BYSL: variants seen among roughly 807,000 people sequenced by gnomAD.
BYSL encodes the protein bystin like.
In BYSL, 21 loss-of-function variants were observed where a neutral mutation model predicts 45.4. That is an observed-to-expected ratio of 0.46 (90% confidence interval 0.33 to 0.67). BYSL has a LOEUF of 0.67. Among genes scored for constraint, BYSL ranks in the 30% least tolerant of loss-of-function variants. The pLI, the probability that BYSL is intolerant of heterozygous loss-of-function variation, is 0.02. For missense variants in BYSL, 522 were observed against 578.5 expected, an observed-to-expected ratio of 0.90 and a Z score of 1.00; for synonymous variants, 215 against 231.3, an observed-to-expected ratio of 0.93 and a Z score of 0.64.
upstream of BYSL, chr6:41,920,834 ATC>A: frequency 1.5e-6 from 1 of 685,374 alleles, no homozygotes. Flanking sequence ...GAAGGGGCGC[ATC>A]TCTGAGGAAA....
At position 41,921,769 on chromosome 6, in the gene BYSL, C is replaced by G. The variant is rs772391901; in HGVS notation, c.207C>G (p.Leu69=). The change falls in exon 1 of 7, where the codon CTC becomes CTG. Residue 69 remains leucine (L), a synonymous_variant. Coordinates refer to ENST00000230340, the MANE Select transcript of BYSL (RefSeq NM_004053.4). The part of the protein sequence containing the change: ...LQQARQQQEE[L]EAEHGTGDKP... The stretch of plus-strand genomic sequence containing the variant: ...AAGCACGGCAGCAACAGGAGGAACT[C>G]GAGGCCGAGCATGGGACTGGGGACA... 23 of 1,613,232 alleles carry G rather than the reference C, an allele frequency of 1.4e-5. No homozygotes were observed. Among genetic ancestry groups the G allele is most frequent in the Non-Finnish European group, 1.9e-5 (23 of 1,179,856 alleles).
At chr6:41,920,788 C>CAAAAA, upstream of BYSL, 1 of 454,858 alleles carries the variant, frequency 2.2e-6, no homozygotes, top group Non-Finnish European at 3.8e-6. Flanking sequence ...CAAAACAAAA[C>CAAAAA]AAAAAAAAAA....
the BYSL span, among the ~76,000 whole-genome samples, chr6:41,911,101 C>T: frequency 2.0e-4 from 28 of 136,736 alleles, no homozygotes; most frequent in Non-Finnish European, 2.4e-4. Context: ...AGCGAGACTC[C>T]ATCTCAAAAA....
At chr6:41,915,956 T>C in the BYSL span, among the ~76,000 whole-genome samples, 2 of 152,122 alleles carry the variant, frequency 1.3e-5, no homozygotes, top group South Asian at 4.1e-4. Flanking sequence ...TATACCTCAA[T>C]AAAGCTTTAG....
chr6:41,923,565 G>C (rs1775521480), intron 1 of BYSL, among the ~76,000 whole-genome samples: 2 of 152,050 alleles, frequency 1.3e-5, no homozygotes, highest in Non-Finnish European at 2.9e-5. Context: ...CAAAATGCTG[G>C]GATTACAGGC....
upstream of BYSL, chr6:41,916,978 C>T (rs771975922): frequency 1.2e-5 from 20 of 1,610,442 alleles, no homozygotes; most frequent in Non-Finnish European, 1.7e-5. Flanking sequence ...TATCCAGAGA[C>T]ACACGTGTGC....
chr6:41,923,517 G>A (rs1196733967), intron 1 of BYSL, among the ~76,000 whole-genome samples: 3 of 152,112 alleles, frequency 2.0e-5, no homozygotes, highest in African/African-American at 7.2e-5. Context: ...GACTGGTCTT[G>A]AACTCCTGAC....
intron 1 of BYSL, 124 bp downstream of exon 1, chr6:41,921,954 A>G (rs1775488142): frequency 1.5e-6 from 2 of 1,360,716 alleles, no homozygotes; most frequent in Admixed American, 2.7e-5. Context: ...ACACTTGCAA[A>G]GGAGACTGAA....
chr6:41,918,596 G>A (rs1187894631), upstream of BYSL, among the ~76,000 whole-genome samples: 1 of 151,808 alleles, frequency 6.6e-6, no homozygotes, highest in African/African-American at 2.4e-5. Flanking sequence ...GGCAGATCAC[G>A]AGGTCAGGAG....
At chr6:41,912,047 TTTC>T in the BYSL span, among the ~76,000 whole-genome samples, 10 of 150,498 alleles carry the variant, frequency 6.6e-5, no homozygotes, top group African/African-American at 2.5e-4. Flanking sequence ...ACATTTTCCT[TTTC>T]TTCTTTTTTT....
chr6:41,917,837 C>T, upstream of BYSL: 1 of 467,564 alleles, frequency 2.1e-6, no homozygotes, highest in Non-Finnish European at 4.5e-6. Flanking sequence ...AGCCCAGAGC[C>T]ACAGGTGGCT....
In BYSL at chr6:41,931,764, C is replaced by T. The variant is rs769444505; in HGVS notation, c.902C>T (p.Thr301Ile). 6.2e-7 allele frequency: 1 copy of T among 1,614,112 alleles called. No individual in the cohort carries two copies. The highest frequency in any genetic ancestry group is 1.1e-5 in the South Asian group (1 of 91,084). Residue 301 changes from threonine (T) to isoleucine (I), a missense_variant, in exon 6 of 7, where the codon ACC (threonine) becomes ATC (isoleucine). Coordinates refer to ENST00000230340, the MANE Select transcript of BYSL (RefSeq NM_004053.4). ...LIPLCESGTC[T>I]LREAIIVGSI... Reference sequence around the variant, plus strand: ...CCACTGTGCGAGTCTGGCACTTGTACCCTCCGGGAAGCCATCATTGTGGGT... The same window carrying T: ...CCACTGTGCGAGTCTGGCACTTGTATCCTCCGGGAAGCCATCATTGTGGGT...
upstream of BYSL, chr6:41,917,006 C>T (rs1053059974): frequency 1.9e-4 from 297 of 1,570,518 alleles, no homozygotes; most frequent in Non-Finnish European, 2.7e-5. Context: ...GCCATTCACT[C>T]GCCCACAGCA....
the BYSL span, among the ~76,000 whole-genome samples, chr6:41,909,930 A>C: frequency 1.3e-5 from 2 of 152,180 alleles, no homozygotes; most frequent in Admixed American, 6.5e-5. Flanking sequence ...GGGCATGCCA[A>C]AGGAAGTAGC....
At position 41,932,579 on chromosome 6, in the gene BYSL, A is replaced by T; in HGVS notation, c.1187A>T (p.Asp396Val). The change falls in exon 7 of 7, where the codon GAC becomes GTC. Residue 396 changes from aspartate to valine, a missense_variant. By Grantham distance (152) the Asp-to-Val change is radical. Transcript: ENST00000230340. The surrounding 1 kb of genome is among the most constrained non-coding windows in gnomAD (Gnocchi z 4.7). The stretch of plus-strand genomic sequence containing the variant: ...CGCTACAAGGCCGACTTGGCCACAG[A>T]CCAGAAAGAGGCCCTCTTAGAACTG... ...VQRYKADLAT[D>V]QKEALLELLR... The T allele has an allele frequency of 6.2e-7, 1 of 1,614,212 alleles. No homozygotes were observed. Among genetic ancestry groups the T allele is most frequent in the Non-Finnish European group, 8.5e-7 (1 of 1,180,038 alleles).
the BYSL span, among the ~76,000 whole-genome samples, chr6:41,915,148 C>G: frequency 2.6e-4 from 39 of 152,266 alleles, no homozygotes; most frequent in East Asian, 7.3e-3. Context: ...TCAAAGAACA[C>G]AAGGGCCAGG....
chr6:41,909,472 T>C, the BYSL span: 7 of 1,614,108 alleles, frequency 4.3e-6, 1 homozygote, highest in Admixed American at 6.7e-5. Context: ...GCGAAACAGC[T>C]CAATGGGTAC....
intron 4 of BYSL, 91 bp from the exon 5 acceptor site, chr6:41,931,305 C>T: frequency 6.9e-7 from 1 of 1,454,204 alleles, no homozygotes; most frequent in Non-Finnish European, 9.4e-7. Context: ...TACTTTAAAA[C>T]CTCTTGTATG....
At position 41,930,192 on chromosome 6, in the gene BYSL, A is replaced by G; in HGVS notation, c.492A>G (p.Thr164=). The G allele has an allele frequency of 1.2e-6, 2 of 1,614,194 alleles. No homozygotes were observed. Among genetic ancestry groups the G allele is most frequent in the Non-Finnish European group, 1.7e-6 (2 of 1,180,028 alleles). The change falls in exon 3 of 7, where the codon ACA becomes ACG. Residue 164 remains threonine (T), a synonymous_variant. Transcript: ENST00000230340. ...KLTEKQTEVE[T]VMSEVSGFPM... ...CTGAGAAGCAGACAGAGGTTGAGAC[A>G]GTCATGTCAGAGGTGTCGGGCTTCC... is the stretch of plus-strand genomic sequence containing the variant.
Sources: allele counts gnomAD v4.1 joint callset (sites outside exome capture counted in the v4.1 genomes callset), GRCh38; gene constraint gnomAD v4.1.1; non-coding constraint Gnocchi (gnomAD v3.1); transcripts MANE v1.5; gene names NCBI Gene and HGNC (gene_info 2026-07-23, HGNC 2026-07-21).